FER: variants seen among roughly 807,000 people sequenced by gnomAD.
FER encodes tyrosine-protein kinase Fer.
FER carries 63 observed loss-of-function variants against 111.0 expected under a neutral mutation model. The ratio of observed to expected loss-of-function variants is 0.57; its 90% CI spans 0.46 to 0.70. FER has a LOEUF of 0.70. FER is among the 30% of genes least tolerant of loss of function. The probability of loss-of-function intolerance (pLI) is 0.00; values close to 1 mark genes in which losing one functional copy is unlikely to be tolerated. For missense variants in FER, 914 were observed against 954.0 expected (o/e 0.96, Z 0.55); for synonymous variants, 327 against 313.9 (o/e 1.04, Z -0.44).
intron 16 of FER, among the ~76,000 whole-genome samples, chr5:109,089,489 A>G (rs1777926399): frequency 6.6e-6 from 1 of 152,158 alleles, no homozygotes; most frequent in Non-Finnish European, 1.5e-5. Context: ...TTGTAAGTCA[A>G]AAGTGAGAAA....
intron 16 of FER, among the ~76,000 whole-genome samples, chr5:109,083,838 G>T (rs997393206): frequency 2.0e-5 from 3 of 151,976 alleles, no homozygotes; most frequent in African/African-American, 7.2e-5. Flanking sequence ...AACCTATTCT[G>T]TGTGCAGGTA....
At chr5:108,851,502 T>C (rs1469268668) in intron 5 of FER, among the ~76,000 whole-genome samples, 1 of 152,152 alleles carries the variant, frequency 6.6e-6, no homozygotes, top group African/African-American at 2.4e-5. Flanking sequence ...TCTTCACCTA[T>C]ATATATACAC....
intron 14 of FER, among the ~76,000 whole-genome samples, chr5:109,042,776 C>T (rs376882571): frequency 6.6e-6 from 1 of 151,874 alleles, no homozygotes; most frequent in Non-Finnish European, 1.5e-5. Context: ...TGGAGGTGGG[C>T]GTTTTCCACA....
chr5:109,039,758 T>C (rs1770893281), intron 14 of FER, among the ~76,000 whole-genome samples: 1 of 152,068 alleles, frequency 6.6e-6, no homozygotes, highest in African/African-American at 2.4e-5. Context: ...TGTTAGGTGA[T>C]GAGGGTATAA....
At chr5:108,915,542 GCA>G (rs1469506711) in intron 10 of FER, among the ~76,000 whole-genome samples, 3 of 151,082 alleles carry the variant, frequency 2.0e-5, no homozygotes, top group Non-Finnish European at 4.4e-5. Flanking sequence ...TTATAATAAG[GCA>G]CAGTTTTTAT....
intron 10 of FER, among the ~76,000 whole-genome samples, chr5:108,909,668 A>G (rs930856965): frequency 1.3e-4 from 20 of 152,180 alleles, no homozygotes; most frequent in South Asian, 1.0e-3. Context: ...TGGTGATGTT[A>G]GAAAAAAAAC....
At chr5:109,064,334 G>A (rs1278982491) in intron 16 of FER, among the ~76,000 whole-genome samples, 1 of 151,736 alleles carries the variant, frequency 6.6e-6, no homozygotes, top group Non-Finnish European at 1.5e-5. Flanking sequence ...TTTTTAGTAG[G>A]CATCTATTCT....
At chr5:108,897,550 A>G (rs1749329226) in intron 9 of FER, 109 bp from the exon 10 acceptor site, 5 of 772,636 alleles carry the variant, frequency 6.5e-6, no homozygotes, top group African/African-American at 3.6e-5. Context: ...TTATGATTCT[A>G]AAGGGCTCTT....
chr5:108,831,091 T>C (rs1470210609), intron 3 of FER, among the ~76,000 whole-genome samples: 1 of 152,202 alleles, frequency 6.6e-6, no homozygotes, highest in African/African-American at 2.4e-5. Context: ...TGTACCATTC[T>C]GGGAGAGGAG....
chr5:109,029,366 T>C (rs556724674), intron 13 of FER, among the ~76,000 whole-genome samples: 1 of 151,062 alleles, frequency 6.6e-6, no homozygotes, highest in Non-Finnish European at 1.5e-5. Context: ...CATCTAGCAT[T>C]AGGTATATCT....
At chr5:108,783,245 T>C (rs1275792342) in intron 2 of FER, among the ~76,000 whole-genome samples, 4 of 152,216 alleles carry the variant, frequency 2.6e-5, no homozygotes, top group Non-Finnish European at 5.9e-5. Flanking sequence ...ACTCTACTAT[T>C]GAGCCTATCT....
intron 10 of FER, among the ~76,000 whole-genome samples, chr5:108,940,237 A>G (rs935595097): frequency 1.3e-5 from 2 of 152,106 alleles, no homozygotes; most frequent in African/African-American, 2.4e-5. Context: ...GCTTTTGACA[A>G]ATTAGTGGTC....
intron 1 of FER, among the ~76,000 whole-genome samples, chr5:108,754,194 T>C (rs767423612): frequency 2.4e-4 from 37 of 152,162 alleles, no homozygotes; most frequent in Non-Finnish European, 4.7e-4. Context: ...GAGGATCACT[T>C]GAGCCTAGAA....
chr5:109,134,950 C>T (rs988443261), intron 17 of FER, among the ~76,000 whole-genome samples: 5 of 152,090 alleles, frequency 3.3e-5, no homozygotes, highest in African/African-American at 1.2e-4. Context: ...TTGTGATCTT[C>T]GTAAGGGCAG....
At chr5:108,861,733 A>G (rs764537496) in intron 5 of FER, among the ~76,000 whole-genome samples, 2 of 152,198 alleles carry the variant, frequency 1.3e-5, no homozygotes, top group African/African-American at 2.4e-5. Flanking sequence ...TTTCGAAGTA[A>G]ATAGAATTGT....
At chr5:109,004,911 G>C (rs78822496) in intron 13 of FER, among the ~76,000 whole-genome samples, 2,225 of 138,108 alleles carry the variant, frequency 0.016, 31 homozygotes, top group Middle Eastern at 0.069. Context: ...ATGAAGAGTT[G>C]TTTTTTTTAT....
intron 17 of FER, among the ~76,000 whole-genome samples, chr5:109,147,360 C>T (rs561205829): frequency 3.8e-5 from 3 of 79,688 alleles, no homozygotes; most frequent in South Asian, 7.1e-4. Context: ...CCCCTTTGGG[C>T]GGTAAGTTAG....
At chr5:109,142,197 A>C (rs1172019488) in intron 17 of FER, among the ~76,000 whole-genome samples, 1 of 152,238 alleles carries the variant, frequency 6.6e-6, no homozygotes, top group African/African-American at 2.4e-5. Context: ...TCTATTATTT[A>C]CACAATGGGA....
chr5:108,779,125 G>A (rs745889131), intron 2 of FER, among the ~76,000 whole-genome samples: 1 of 151,334 alleles, frequency 6.6e-6, no homozygotes, highest in Non-Finnish European at 1.5e-5. Flanking sequence ...TATTTTTGTT[G>A]ATCTATTTGT....
Sources: gnomAD v4.1 joint callset for allele counts (sites outside exome capture counted in the v4.1 genomes callset) on GRCh38, gnomAD v4.1.1 for gene constraint, MANE v1.5 for transcripts, NCBI Gene and HGNC (gene_info 2026-07-23, HGNC 2026-07-21) for gene names.